The following CHCHD6 variants were observed in gnomAD, a reference collection of about 807,000 sequenced individuals.
The protein encoded by CHCHD6 is MICOS complex subunit MIC25.
A neutral mutation model predicts 32.3 loss-of-function variants in CHCHD6; 28 were observed. The ratio of observed to expected loss-of-function variants is 0.87; its 90% CI spans 0.64 to 1.19. CHCHD6 has a LOEUF of 1.19. Among genes scored for constraint, CHCHD6 ranks in the 50% most tolerant of loss-of-function variants. The probability of loss-of-function intolerance (pLI) is 0.00; values close to 1 mark genes in which losing one functional copy is unlikely to be tolerated. For missense variants in CHCHD6, 333 were observed against 307.0 expected, an observed-to-expected ratio of 1.08 and a Z score of -0.63; for synonymous variants, 122 against 117.5, an observed-to-expected ratio of 1.04 and a Z score of -0.25.
At chr3:126,746,124 A>G (rs902085093) in intron 4 of CHCHD6, among the ~76,000 whole-genome samples, 1 of 152,172 alleles carries the variant, frequency 6.6e-6, no homozygotes, top group African/African-American at 2.4e-5. Context: ...AGCCTTTTGC[A>G]TGACACGTAT....
chr3:126,830,906 C>T (rs370027046), intron 4 of CHCHD6, among the ~76,000 whole-genome samples: 5 of 152,190 alleles, frequency 3.3e-5, no homozygotes, highest in East Asian at 1.9e-4. Flanking sequence ...CACTCACTCT[C>T]GGCTCCAGCA....
intron 5 of CHCHD6, among the ~76,000 whole-genome samples, chr3:126,900,787 G>A (rs914221412): frequency 2.6e-5 from 4 of 151,942 alleles, no homozygotes; most frequent in African/African-American, 9.7e-5. Context: ...TATTTTTAGT[G>A]GAAACGGGGT....
intron 6 of CHCHD6, among the ~76,000 whole-genome samples, chr3:126,931,211 A>C (rs1018722903): frequency 6.6e-6 from 1 of 152,228 alleles, no homozygotes; most frequent in East Asian, 1.9e-4. Flanking sequence ...CTACCTTCCC[A>C]TGGAAAGAGT....
At chr3:126,894,292 C>G (rs955176934) in intron 5 of CHCHD6, among the ~76,000 whole-genome samples, 7 of 152,190 alleles carry the variant, frequency 4.6e-5, no homozygotes, top group African/African-American at 1.7e-4. Flanking sequence ...GCCAGGAGCC[C>G]ACGGTTCTCC....
intron 4 of CHCHD6, among the ~76,000 whole-genome samples, chr3:126,740,371 G>A (rs1936241677): frequency 6.6e-6 from 1 of 152,174 alleles, no homozygotes; most frequent in Non-Finnish European, 1.5e-5. Flanking sequence ...TGAATGTGTG[G>A]AGGGAAGGTG....
intron 5 of CHCHD6, among the ~76,000 whole-genome samples, chr3:126,862,799 T>C (rs868403326): frequency 0.023 from 6 of 264 alleles, no homozygotes; most frequent in Non-Finnish European, 0.034. Flanking sequence ...ATCACCACCT[T>C]CCCCTCTACC....
chr3:126,935,212 T>C (rs2078462207), intron 6 of CHCHD6: 4 of 944,746 alleles, frequency 4.2e-6, no homozygotes, highest in Non-Finnish European at 5.1e-6. Flanking sequence ...ATGGCAGGGC[T>C]GGCATGAGGC....
intron 4 of CHCHD6, among the ~76,000 whole-genome samples, chr3:126,774,285 C>T (rs1433256455): frequency 6.6e-6 from 1 of 152,160 alleles, no homozygotes; most frequent in East Asian, 1.9e-4. Flanking sequence ...CCAAAAAGTT[C>T]TCTTATGCCC....
chr3:126,912,996 G>A (rs1454418339), intron 5 of CHCHD6, among the ~76,000 whole-genome samples: 1 of 152,048 alleles, frequency 6.6e-6, no homozygotes, highest in Non-Finnish European at 1.5e-5. Context: ...TGTCTGCCCA[G>A]CTTCAGCCAG....
intron 5 of CHCHD6, among the ~76,000 whole-genome samples, chr3:126,869,146 T>C (rs901259470): frequency 3.3e-5 from 5 of 152,246 alleles, no homozygotes; most frequent in African/African-American, 1.2e-4. Context: ...TAAGCAACCT[T>C]ATTTGTGTAA....
chr3:126,933,292 C>A (rs2078432309), intron 6 of CHCHD6, among the ~76,000 whole-genome samples: 1 of 152,166 alleles, frequency 6.6e-6, no homozygotes, highest in Non-Finnish European at 1.5e-5. Flanking sequence ...GGGTCCTCAA[C>A]CCTCATTTCC....
intron 6 of CHCHD6, among the ~76,000 whole-genome samples, chr3:126,930,587 G>A (rs570694945): frequency 6.6e-6 from 1 of 152,322 alleles, no homozygotes; most frequent in Admixed American, 6.5e-5. Flanking sequence ...CATGGGCTTT[G>A]GAGCAGAAAA....
intron 6 of CHCHD6, among the ~76,000 whole-genome samples, chr3:126,928,724 C>G (rs1165653968): frequency 6.6e-6 from 1 of 152,226 alleles, no homozygotes; most frequent in Non-Finnish European, 1.5e-5. Context: ...TCTGAGAAAG[C>G]ACTATGTGTT....
At chr3:126,782,374 G>A (rs778821742) in intron 4 of CHCHD6, among the ~76,000 whole-genome samples, 11 of 152,174 alleles carry the variant, frequency 7.2e-5, no homozygotes, top group African/African-American at 2.2e-4. Context: ...CTCTGACTGC[G>A]AGCTGTCTGA....
At chr3:126,935,233 G>A (rs1338878846) in intron 6 of CHCHD6, 2 of 786,532 alleles carry the variant, frequency 2.5e-6, no homozygotes, top group Non-Finnish European at 3.1e-6. Context: ...AGAGGGCTCA[G>A]TGTATCCCAG....
chr3:126,716,505 G>A (rs1935024860), intron 1 of CHCHD6, among the ~76,000 whole-genome samples: 1 of 151,944 alleles, frequency 6.6e-6, no homozygotes, highest in South Asian at 2.1e-4. Flanking sequence ...CACCCTGCTT[G>A]ACCATGAGCT....
intron 4 of CHCHD6, chr3:126,766,693 A>G: frequency 9.0e-7 from 1 of 1,108,620 alleles, no homozygotes; most frequent in East Asian, 2.4e-5. Flanking sequence ...CCCACAAGCC[A>G]GGCTCTGGAT....
At chr3:126,888,446 A>C (rs1022867115) in intron 5 of CHCHD6, among the ~76,000 whole-genome samples, 2 of 152,170 alleles carry the variant, frequency 1.3e-5, no homozygotes, top group African/African-American at 4.8e-5. Flanking sequence ...AATTGTATTT[A>C]TCCATTTAGC....
At chr3:126,765,691 A>G (rs1299601350) in intron 4 of CHCHD6, among the ~76,000 whole-genome samples, 2 of 152,264 alleles carry the variant, frequency 1.3e-5, no homozygotes, top group Admixed American at 6.5e-5. Flanking sequence ...TGGTGAGTGC[A>G]TGTGACAAGG....
Sources: gnomAD v4.1 joint callset for allele counts (sites outside exome capture counted in the v4.1 genomes callset) on GRCh38, gnomAD v4.1.1 for gene constraint, MANE v1.5 for transcripts, NCBI Gene and HGNC (gene_info 2026-07-23, HGNC 2026-07-21) for gene names.